Variants in OLFML1 observed in about 807,000 individuals in gnomAD.
OLFML1 encodes the protein olfactomedin-like protein 1.
In OLFML1, 33 loss-of-function variants were observed where a neutral mutation model predicts 37.3. That is an observed-to-expected ratio of 0.88 (90% CI 0.67 to 1.18). The LOEUF (loss-of-function observed/expected upper bound fraction) is 1.18. OLFML1 is among the 50% of genes most tolerant of loss of function. The pLI, the probability that OLFML1 is intolerant of heterozygous loss-of-function variation, is 0.00. For synonymous variants in OLFML1, 186 were observed against 181.3 expected (o/e 1.03, Z -0.21); for missense variants, 545 against 483.7 (o/e 1.13, Z -1.19).
Position 7,509,756 on chromosome 11 carries a change from A to G in OLFML1, c.777A>G (p.Ala259=), listed in dbSNP as rs1848834893. 3.1e-6 allele frequency: 5 copies of G among 1,614,222 alleles called. No individual in the cohort carries two copies. The highest frequency in any genetic ancestry group is 4.2e-6 in the Non-Finnish European group (5 of 1,180,024). The change falls in exon 3 of 3, where the codon GCA becomes GCG. Residue 259 remains alanine (A), a synonymous_variant. Transcript: ENST00000329293. ...TGCTCCCAGGAGGGGTAGGCCGAGCATTGGTTTACCAGCACTCCCCCTCAA... is the reference window on the plus strand; with the variant it reads ...TGCTCCCAGGAGGGGTAGGCCGAGCGTTGGTTTACCAGCACTCCCCCTCAA... ...RMLLPGGVGR[A]LVYQHSPSTY...
intron 2 of OLFML1, among the ~76,000 whole-genome samples, chr11:7,499,970 A>T (rs1848702145): frequency 6.6e-6 from 1 of 152,182 alleles, no homozygotes; most frequent in Admixed American, 6.5e-5. Context: ...AGCTTACTAT[A>T]GCCTCAACCT....
chr11:7,509,634 G>A lies in OLFML1; in HGVS notation c.655G>A (p.Val219Met), dbSNP rs1457754005. 25 of 1,614,230 alleles carry A rather than the reference G, an allele frequency of 1.5e-5. No homozygotes were observed. The highest frequency in any genetic ancestry group is 2.1e-5 in the Non-Finnish European group (25 of 1,180,038). Reference sequence around the variant, plus strand: ...ACTTTCCTGGCAGGGAACAGGCCAAGTGATCTACAAAGGTTTTCTATTTTT... The same window carrying A: ...ACTTTCCTGGCAGGGAACAGGCCAAATGATCTACAAAGGTTTTCTATTTTT... ...LTLSWQGTGQ[V>M]IYKGFLFFHN... The change falls in exon 3 of 3, where the codon GTG becomes ATG. Residue 219 changes from valine (V) to methionine (M), a missense_variant. Val to Met is a conservative substitution (Grantham distance 21). Transcript: ENST00000329293.
rs745567282 is a variant in OLFML1 at position 7,488,430 on chromosome 11, T to C, written c.418+15T>C. ...GCTGAATGCAAGTAAGAAAACTGCATCTTTTCCTAGCCCTTCTAGGGACTA... is the reference window on the plus strand; with the variant it reads ...GCTGAATGCAAGTAAGAAAACTGCACCTTTTCCTAGCCCTTCTAGGGACTA... On this transcript the variant is annotated intron_variant, in intron 2 of 2. Coordinates refer to ENST00000329293, the MANE Select transcript of OLFML1 (RefSeq NM_198474.4). The C allele has an allele frequency of 6.3e-7, 1 of 1,599,262 alleles. No individual in the cohort carries two copies. The highest frequency in any genetic ancestry group is 8.5e-7 in the Non-Finnish European group (1 of 1,172,004).
At chr11:7,493,286 T>A (rs1007033739) in intron 2 of OLFML1, among the ~76,000 whole-genome samples, 14 of 152,008 alleles carry the variant, frequency 9.2e-5, no homozygotes, top group Admixed American at 2.6e-4. Flanking sequence ...TCTGTCCAGG[T>A]TTTATAAGTG....
rs1362630150 is a variant in OLFML1, at chr11:7,509,878, G to A, written c.899G>A (p.Gly300Asp). Residue 300 changes from glycine (G) to aspartate (D), a missense_variant, in exon 3 of 3, where the codon GGC (glycine) becomes GAC (aspartate). Coordinates refer to ENST00000329293, the MANE Select transcript of OLFML1 (RefSeq NM_198474.4). Reference protein sequence around the residue: ...SHLVLTKIEPGTLGVEHSWDT... With the variant: ...SHLVLTKIEPDTLGVEHSWDT... ...TTGGTTCTCACAAAGATTGAGCCGG[G>A]CACACTGGGAGTGGAGCATTCATGG... The A allele has an allele frequency of 1.9e-6, 3 of 1,614,124 alleles. No homozygotes were observed. Among genetic ancestry groups the A allele is most frequent in the Middle Eastern group, 1.6e-4 (1 of 6,084 alleles).
chr11:7,487,280 G>C (rs1051013188), intron 1 of OLFML1, among the ~76,000 whole-genome samples: 1 of 152,190 alleles, frequency 6.6e-6, no homozygotes, highest in African/African-American at 2.4e-5. Flanking sequence ...TAACAATACA[G>C]TGATAGCATT....
At chr11:7,499,130 A>C (rs937991286) in intron 2 of OLFML1, among the ~76,000 whole-genome samples, 2 of 152,268 alleles carry the variant, frequency 1.3e-5, no homozygotes, top group Non-Finnish European at 2.9e-5. Context: ...AGTGATACTT[A>C]TGTATGAATT....
At chr11:7,490,580 C>A (rs1026874184) in intron 2 of OLFML1, among the ~76,000 whole-genome samples, 1 of 152,164 alleles carries the variant, frequency 6.6e-6, no homozygotes, top group African/African-American at 2.4e-5. Context: ...TTTTTCAACC[C>A]CCATCCTCTG....
rs550562573 is a variant in OLFML1, at chr11:7,503,177, A to T, written c.419-6221A>T. Among the ~76,000 whole-genome samples the T allele has an allele frequency of 7.2e-5, 11 of 152,302 alleles. No individual in the cohort carries two copies. In the South Asian group the frequency reaches 2.3e-3, roughly 32 times the overall value. ...ATATCCAGATAGGGGCTGAAGATAC[A>T]AAGTTGGTAGTCATCATTATTTAGA... On this transcript the variant is annotated intron_variant, in intron 2 of 2. Transcript: ENST00000329293.
Position 7,488,304 on chromosome 11 carries a change from C to G in OLFML1, c.307C>G (p.Gln103Glu). ...TGCCCAACGGGAGATTGACTACATA[C>G]AATACCTTCGAGAGGCTGACGAGTG... ...ERAQREIDYIQYLREADECIE... is the reference protein window; with the variant it reads ...ERAQREIDYIEYLREADECIE... Residue 103 changes from glutamine (Q) to glutamate (E), a missense_variant, in exon 2 of 3, where the codon CAA becomes GAA. Coordinates refer to ENST00000329293, the MANE Select transcript of OLFML1 (RefSeq NM_198474.4). 1 of 1,614,084 alleles carries G rather than the reference C, an allele frequency of 6.2e-7. No individual in the cohort carries two copies. Among genetic ancestry groups the G allele is most frequent in the East Asian group, 2.2e-5 (1 of 44,876 alleles).
At chr11:7,495,427 G>A (rs915120249) in intron 2 of OLFML1, among the ~76,000 whole-genome samples, 5 of 152,028 alleles carry the variant, frequency 3.3e-5, no homozygotes, top group South Asian at 2.1e-4. Flanking sequence ...TAATACTCAC[G>A]AATTAAATAA....
chr11:7,497,554 C>G (rs1435096064), intron 2 of OLFML1, among the ~76,000 whole-genome samples: 1 of 152,170 alleles, frequency 6.6e-6, no homozygotes, highest in African/African-American at 2.4e-5. Context: ...AGGCTGGACT[C>G]ACACTCATAC....
chr11:7,489,451 G>C (rs1274804593), intron 2 of OLFML1, among the ~76,000 whole-genome samples: 1 of 151,956 alleles, frequency 6.6e-6, no homozygotes, highest in Non-Finnish European at 1.5e-5. Context: ...GGTGACAGTA[G>C]GGAAACTAGG....
At chr11:7,492,223 C>T (rs904399908) in intron 2 of OLFML1, among the ~76,000 whole-genome samples, 7 of 152,204 alleles carry the variant, frequency 4.6e-5, no homozygotes, top group Non-Finnish European at 7.3e-5. Flanking sequence ...TCCTGGAAGA[C>T]TCTGATCTTC....
rs186678669 is a variant in OLFML1 at position 7,487,649 on chromosome 11, C to T, written c.130-478C>T. ...GATGTAAATACAAAGGTTTTTTTTT[C>T]CCTTAATAATCTGATGAAGATGTAA... On this transcript the variant is annotated intron_variant, in intron 1 of 2. Coordinates refer to ENST00000329293, the MANE Select transcript of OLFML1 (RefSeq NM_198474.4). Among the ~76,000 whole-genome samples, 13 of 151,704 alleles carry T rather than the reference C, an allele frequency of 8.6e-5. No individual in the cohort carries two copies. The East Asian group carries it at 2.1e-3, about 25-fold the overall frequency.
chr11:7,488,199 T>A lies in OLFML1; in HGVS notation c.202T>A (p.Ser68Thr). 1 of 1,613,824 alleles carries A rather than the reference T, an allele frequency of 6.2e-7. No homozygotes were observed. Residue 68 changes from serine to threonine, a missense_variant, in exon 2 of 3, where the codon TCT becomes ACT. Coordinates refer to ENST00000329293, the MANE Select transcript of OLFML1 (RefSeq NM_198474.4). ...ATTCCAAGAGTTCTCAAAAAATATA[T>A]CTGTCATGCTGGGAAGATGTCAGAC... ...QEFQEFSKNI[S>T]VMLGRCQTYT...
At position 7,509,779 on chromosome 11, in the gene OLFML1, C is replaced by A; in HGVS notation, c.800C>A (p.Ser267Ter). Reference sequence around the variant, plus strand: ...GCATTGGTTTACCAGCACTCCCCCTCAACTTACATTGACCTGGCTGTGGAT... The same window carrying A: ...GCATTGGTTTACCAGCACTCCCCCTAAACTTACATTGACCTGGCTGTGGAT... ...GRALVYQHSP[S>*]TYIDLAVDEH... Residue 267 changes from serine (S) to a stop codon, truncating the protein, a stop_gained, in exon 3 of 3, where the codon TCA (serine) becomes TAA (stop). Transcript: ENST00000329293. LOFTEE classifies it high-confidence loss of function. The A allele has an allele frequency of 1.9e-6, 3 of 1,614,266 alleles. No homozygotes were observed. Among genetic ancestry groups the A allele is most frequent in the Non-Finnish European group, 1.7e-6 (2 of 1,180,038 alleles).
In OLFML1 at chr11:7,485,782, C is replaced by T; in HGVS notation, c.-94C>T. On this transcript the variant is annotated 5_prime_UTR_variant, in exon 1 of 3. Transcript: ENST00000329293. ...GCTGTTTTTAGAGGATTTGCCACAG[C>T]AGCGGATAGAGCAGGAGAGCACCAC... 1.2e-5 allele frequency: 15 copies of T among 1,291,950 alleles called. No homozygotes were observed. Among genetic ancestry groups the T allele is most frequent in the Non-Finnish European group, 1.5e-5 (14 of 923,092 alleles). The allele number at this position is 1,291,950 out of a possible 1,614,324, so 80.0% of individuals were successfully genotyped here. A position where few individuals can be genotyped will look rare whatever the true frequency, so the allele number is the denominator to read the frequency against.
At chr11:7,506,104 G>A (rs578249942) in intron 2 of OLFML1, among the ~76,000 whole-genome samples, 103 of 152,338 alleles carry the variant, frequency 6.8e-4, no homozygotes, top group African/African-American at 2.2e-3. Context: ...AGCCTACTCT[G>A]TAGGAGAAGC....
Sources: allele counts gnomAD v4.1 joint callset (sites outside exome capture counted in the v4.1 genomes callset), GRCh38; gene constraint gnomAD v4.1.1; transcripts MANE v1.5; gene names NCBI Gene and HGNC (gene_info 2026-07-23, HGNC 2026-07-21).